GRK3: variants seen among roughly 807,000 people sequenced by gnomAD.
The protein encoded by GRK3 is adrenergic, beta, receptor kinase 2.
In GRK3, 54 loss-of-function variants were observed where a neutral mutation model predicts 95.7. The observed-to-expected ratio is 0.56, with a 90% CI of 0.45 to 0.71. GRK3 has a LOEUF of 0.71. Ranked by LOEUF, GRK3 falls within the 30% of genes least tolerant of loss-of-function variation. The probability of loss-of-function intolerance (pLI) is 0.00; values close to 1 mark genes in which losing one functional copy is unlikely to be tolerated. For synonymous variants in GRK3, 281 were observed against 290.8 expected, an observed-to-expected ratio of 0.97 and a Z score of 0.34; for missense variants, 649 against 851.2, an observed-to-expected ratio of 0.76 and a Z score of 2.96.
chr22:25,620,695 A>G (rs538842998), intron 2 of GRK3, among the ~76,000 whole-genome samples: 1 of 152,182 alleles, frequency 6.6e-6, no homozygotes, highest in African/African-American at 2.4e-5. Context: ...GGGGTGTTGA[A>G]TGGGGAACAG....
Position 25,646,993 on chromosome 22 carries a change from C to T in GRK3, c.264+2328C>T, listed in dbSNP as rs1169884486. Among the ~76,000 whole-genome samples, 6 of 141,034 alleles carry T rather than the reference C, an allele frequency of 4.3e-5. 1 individual carries two copies. Among genetic ancestry groups the T allele is most frequent in the Middle Eastern group, 3.4e-3 (1 of 298 alleles). The allele number at this position is 141,034 out of a possible 152,430, so 92.5% of individuals were successfully genotyped here. A position where few individuals can be genotyped will look rare whatever the true frequency, so the allele number is the denominator to read the frequency against. ...CTGATATCTTGCCATTGCACTCTAG[C>T]CTGGGTGACCGAGGGAGACTTTGTC... On this transcript the variant is annotated intron_variant, in intron 3 of 20. Coordinates refer to ENST00000324198, the MANE Select transcript of GRK3 (RefSeq NM_005160.4).
intron 2 of GRK3, among the ~76,000 whole-genome samples, chr22:25,612,984 G>A (rs2084510425): frequency 6.6e-6 from 1 of 151,892 alleles, no homozygotes; most frequent in African/African-American, 2.4e-5. Flanking sequence ...AAACATTTTA[G>A]GATCACTTTT....
At chr22:25,593,844 C>T (rs1932580643) in intron 1 of GRK3, among the ~76,000 whole-genome samples, 1 of 152,114 alleles carries the variant, frequency 6.6e-6, no homozygotes, top group South Asian at 2.1e-4. Flanking sequence ...TATCCCAGCA[C>T]CATTTATTGA....
At chr22:25,575,973 T>TA (rs1242768794) in intron 1 of GRK3, among the ~76,000 whole-genome samples, 2 of 152,264 alleles carry the variant, frequency 1.3e-5, no homozygotes, top group Non-Finnish European at 2.9e-5. Flanking sequence ...ATTATTCTCT[T>TA]CCTATAGGCC....
At chr22:25,706,917 G>T (rs185921040) in intron 15 of GRK3, among the ~76,000 whole-genome samples, 1 of 152,022 alleles carries the variant, frequency 6.6e-6, no homozygotes, top group East Asian at 1.9e-4. Context: ...CAAACTCCCG[G>T]CCCAAGTAAT....
intron 11 of GRK3, among the ~76,000 whole-genome samples, chr22:25,688,047 T>C (rs181412225): frequency 1.6e-3 from 251 of 152,140 alleles, no homozygotes; most frequent in East Asian, 4.1e-3. Flanking sequence ...CCATCCTGGC[T>C]AACACAGTGA....
chr22:25,583,995 A>T (rs1206953740), intron 1 of GRK3, among the ~76,000 whole-genome samples: 1 of 152,268 alleles, frequency 6.6e-6, no homozygotes, highest in African/African-American at 2.4e-5. Context: ...TGTGAGAAAA[A>T]TACTAGAGAA....
chr22:25,661,461 C>A, intron 3 of GRK3, 115 bp from the exon 4 acceptor site: 1 of 552,406 alleles, frequency 1.8e-6, no homozygotes, highest in Admixed American at 3.0e-5. Flanking sequence ...ATAGCCGGTT[C>A]AGTAATTTGC....
intron 2 of GRK3, among the ~76,000 whole-genome samples, chr22:25,643,156 G>A (rs185815041): frequency 7.2e-4 from 109 of 152,262 alleles, no homozygotes; most frequent in African/African-American, 2.4e-3. Flanking sequence ...ACTAACATAC[G>A]AACAGATAGA....
At chr22:25,647,039 A>G (rs1396658612) in intron 3 of GRK3, among the ~76,000 whole-genome samples, 2 of 151,120 alleles carry the variant, frequency 1.3e-5, no homozygotes, top group East Asian at 1.9e-4. Context: ...AAAAAAAAAA[A>G]AAAAGAAAAA....
At chr22:25,578,377 A>C (rs758533663) in intron 1 of GRK3, among the ~76,000 whole-genome samples, 8 of 152,196 alleles carry the variant, frequency 5.3e-5, no homozygotes, top group Non-Finnish European at 1.0e-4. Context: ...ACTGGCTAAA[A>C]GTGAGACACC....
At chr22:25,720,927 A>G (rs934229392) in intron 19 of GRK3, among the ~76,000 whole-genome samples, 1 of 152,152 alleles carries the variant, frequency 6.6e-6, no homozygotes, top group African/African-American at 2.4e-5. Context: ...CACATAAATC[A>G]TATGTGGCTC....
In GRK3 at chr22:25,661,676, A is replaced by G. The variant is rs1193802210; in HGVS notation, c.365A>G (p.His122Arg). ...ATGAAGGAACTTCTTTCCTGTTCAC[A>G]TGTAAGTATTTCTTCTTACTCTGTT... ...YIMKELLSCS[H>R]PFSKQAVEHV... Residue 122 changes from histidine to arginine, a missense_variant and splice_region_variant, in exon 4 of 21, where the codon CAT becomes CGT. His to Arg is a conservative substitution (Grantham distance 29, BLOSUM62 0). Coordinates refer to ENST00000324198, the MANE Select transcript of GRK3 (RefSeq NM_005160.4). The G allele has an allele frequency of 6.3e-7, 1 of 1,589,986 alleles. No individual in the cohort carries two copies. Among genetic ancestry groups the G allele is most frequent in the Non-Finnish European group, 8.6e-7 (1 of 1,159,722 alleles).
At chr22:25,654,399 G>C (rs993250459) in intron 3 of GRK3, among the ~76,000 whole-genome samples, 3 of 152,014 alleles carry the variant, frequency 2.0e-5, no homozygotes, top group African/African-American at 7.3e-5. Flanking sequence ...ATTTATATAT[G>C]AAAATATACA....
intron 13 of GRK3, among the ~76,000 whole-genome samples, chr22:25,699,674 A>ATTTTCTTTTC (rs200739535): frequency 2.1e-5 from 3 of 139,994 alleles, no homozygotes; most frequent in Non-Finnish European, 4.7e-5. Flanking sequence ...GGGTCTTTCT[A>ATTTTCTTTTC]TTTTCTTTTC....
intron 13 of GRK3, among the ~76,000 whole-genome samples, chr22:25,699,254 G>GC (rs2085236641): frequency 6.6e-6 from 1 of 152,128 alleles, no homozygotes; most frequent in African/African-American, 2.4e-5. Flanking sequence ...ATAGAAGGGA[G>GC]CCCCTGGCAG....
At chr22:25,685,095 G>A in intron 9 of GRK3, 75 bp from the exon 10 acceptor site, 1 of 894,788 alleles carries the variant, frequency 1.1e-6, no homozygotes, top group South Asian at 1.4e-5. Flanking sequence ...AAAATATGTA[G>A]CATGGTGTTT....
chr22:25,706,124 T>A lies in GRK3; in HGVS notation c.1328+1915T>A, dbSNP rs552422909. The stretch of plus-strand genomic sequence containing the variant: ...TATATTACCTGCATCTTTGCTTTAA[T>A]TCTTTGTTTTACTTGCCGATAGCAC... On this transcript the variant is annotated intron_variant, in intron 15 of 20. Transcript: ENST00000324198. 2.0e-5 allele frequency among the ~76,000 whole-genome samples: 3 copies of A among 152,358 alleles called. No homozygotes were observed. The South Asian group carries it at 6.2e-4, about 32-fold the overall frequency.
chr22:25,631,150 A>G (rs1158495738), intron 2 of GRK3, among the ~76,000 whole-genome samples: 5 of 152,194 alleles, frequency 3.3e-5, no homozygotes, highest in Non-Finnish European at 5.9e-5. Flanking sequence ...ATGACATCTT[A>G]TGGGAGTTTT....
Sources: allele counts gnomAD v4.1 joint callset (sites outside exome capture counted in the v4.1 genomes callset), GRCh38; gene constraint gnomAD v4.1.1; transcripts MANE v1.5; gene names NCBI Gene and HGNC (gene_info 2026-07-23, HGNC 2026-07-21).